TSPEAR: variants seen among roughly 807,000 people sequenced by gnomAD.
TSPEAR encodes thrombospondin type laminin G domain and EAR repeats, also known as thrombospondin-type laminin G domain and EAR repeat-containing protein.
Under a neutral mutation model 71.6 loss-of-function variants are expected in TSPEAR, and 69 were observed. The ratio of observed to expected loss-of-function variants is 0.96; its 90% confidence interval spans 0.79 to 1.18. The LOEUF (loss-of-function observed/expected upper bound fraction) is 1.18. Ranked by LOEUF, TSPEAR falls within the 50% of genes most tolerant of loss-of-function variation. The pLI, the probability that TSPEAR is intolerant of heterozygous loss-of-function variation, is 0.00. For missense variants in TSPEAR, 971 were observed against 894.9 expected (o/e 1.09, Z -1.09); for synonymous variants, 402 against 387.2 (o/e 1.04, Z -0.45).
intron 2 of TSPEAR, among the ~76,000 whole-genome samples, chr21:44,551,749 G>A (rs1459050639): frequency 2.6e-5 from 4 of 152,150 alleles, no homozygotes; most frequent in Non-Finnish European, 5.9e-5. Flanking sequence ...CCTGTCCCCC[G>A]GGAACACCAG....
At chr21:44,549,580 G>A (rs1033529070) in intron 2 of TSPEAR, among the ~76,000 whole-genome samples, 2 of 152,194 alleles carry the variant, frequency 1.3e-5, no homozygotes, top group African/African-American at 4.8e-5. Flanking sequence ...AAAGACTCAG[G>A]GCCTCTTGCG....
intron 2 of TSPEAR, chr21:44,558,758 TGA>T: frequency 1.3e-6 from 2 of 1,567,014 alleles, no homozygotes; most frequent in South Asian, 1.2e-5. Context: ...CGTGAGTGAG[TGA>T]GTGTGGGAGT....
At chr21:44,653,343 G>A (rs1033868652) in intron 1 of TSPEAR, among the ~76,000 whole-genome samples, 22 of 152,032 alleles carry the variant, frequency 1.4e-4, no homozygotes, top group Non-Finnish European at 1.0e-4. Context: ...CTGACCTCCC[G>A]CCACCTGCAT....
rs781869304 is a variant in TSPEAR at position 44,540,149 on chromosome 21, A to C, written c.304-6226T>G. 5.0e-6 allele frequency: 8 copies of C among 1,612,322 alleles called. No homozygotes were observed. In the South Asian group the frequency reaches 8.8e-5, roughly 18 times the overall value. ...GCAGACGGACATGGTGGACGCGGCC[A>C]TGCTGGGGTGGGGAGGAGGTGAGCT... On this transcript the variant is annotated intron_variant, in intron 2 of 11. Coordinates refer to ENST00000323084, the MANE Select transcript of TSPEAR (RefSeq NM_144991.3).
At position 44,506,521 on chromosome 21, in the gene TSPEAR, G is replaced by A. The variant is rs192431886; in HGVS notation, c.1755-1640C>T. Among the ~76,000 whole-genome samples, 1 of 152,342 alleles carries A rather than the reference G, an allele frequency of 6.6e-6. No homozygotes were observed. The highest frequency in any genetic ancestry group is 1.9e-4 in the East Asian group (1 of 5,172). On this transcript the variant is annotated intron_variant, in intron 10 of 11. Transcript: ENST00000323084. This position sits in a 1 kb window ranked among gnomAD's most constrained non-coding sequence, Gnocchi z 4.2. ...CCTTGGGAGAGGGAGGGATCACAGA[G>A]GTGTCCAGTGACAGGCAGGGCGGGC...
intron 2 of TSPEAR, among the ~76,000 whole-genome samples, chr21:44,562,144 A>G (rs1418320026): frequency 6.6e-6 from 1 of 152,234 alleles, no homozygotes; most frequent in African/African-American, 2.4e-5. Flanking sequence ...CTCAGCATGC[A>G]AAATCAATGT....
In TSPEAR at chr21:44,497,897, T is replaced by A. The variant is rs1450850760; in HGVS notation, c.*1886A>T. The A allele has an allele frequency of 6.6e-6, 1 of 152,102 alleles. No individual in the cohort carries two copies. Among genetic ancestry groups the A allele is most frequent in the African/African-American group, 2.4e-5 (1 of 41,386 alleles). The allele number at this position is 152,102 out of a possible 1,614,324, so 9.4% of individuals were successfully genotyped here. On this transcript the variant is annotated 3_prime_UTR_variant, in exon 12 of 12. Coordinates refer to ENST00000323084, the MANE Select transcript of TSPEAR (RefSeq NM_144991.3). The stretch of plus-strand genomic sequence containing the variant: ...AAAAAGTACCCGACCCAGGCCTCGA[T>A]CAATGGAGAAGTTTATTTTGCCAAG...
intron 1 of TSPEAR, chr21:44,658,115 G>C: frequency 6.2e-7 from 1 of 1,613,504 alleles, no homozygotes; most frequent in South Asian, 1.1e-5. Context: ...CATTGTGTGC[G>C]TGGCTCCCTC....
chr21:44,612,342 G>A lies in TSPEAR; in HGVS notation c.83-44337C>T, dbSNP rs1981745120. The A allele has an allele frequency of 1.2e-6, 2 of 1,613,812 alleles. No individual in the cohort carries two copies. The highest frequency in any genetic ancestry group is 1.7e-5 in the Admixed American group (1 of 60,014). On this transcript the variant is annotated intron_variant, in intron 1 of 11. Coordinates refer to ENST00000323084, the MANE Select transcript of TSPEAR (RefSeq NM_144991.3). This position sits in a 1 kb window ranked among gnomAD's most constrained non-coding sequence, Gnocchi z 4.1. The stretch of plus-strand genomic sequence containing the variant: ...GCCCTGGTCTGTGCCCCAGTGAGCT[G>A]TGAGCCCAGCCCCTGCCAATCAGGC...
rs782692063 is a variant in TSPEAR at position 44,612,836 on chromosome 21, C to G, written c.83-44831G>C. The G allele has an allele frequency of 1.6e-5, 26 of 1,612,712 alleles. No homozygotes were observed. The Admixed American group carries it at 2.2e-4, about 13-fold the overall frequency. On this transcript the variant is annotated intron_variant, in intron 1 of 11. Transcript: ENST00000323084. The surrounding 1 kb of genome is among the most constrained non-coding windows in gnomAD (Gnocchi z 4.1). ...CAGCTGCTGCCACCCGGCCTCCTGC[C>G]TGTCCTTCCTCTGCCGCCCCGCGTG...
chr21:44,558,337 G>A (rs1347456595), intron 2 of TSPEAR: 3 of 1,613,540 alleles, frequency 1.9e-6, no homozygotes, highest in Non-Finnish European at 2.5e-6. Context: ...GAGCAGACGG[G>A]CACACAGCAG....
Position 44,697,578 on chromosome 21 carries a change from G to A in TSPEAR, c.82+13855C>T, listed in dbSNP as rs782766412. On this transcript the variant is annotated intron_variant, in intron 1 of 11. Transcript: ENST00000323084. ...GTGTGCTGTATGCCCGTCTGCTGTG[G>A]GCCTTCTTCTTCATGCTGCCAGCAG... 28 of 1,613,340 alleles carry A rather than the reference G, an allele frequency of 1.7e-5. 2 individuals are homozygous for A. The South Asian group carries it at 3.1e-4, about 18-fold the overall frequency.
At chr21:44,643,946 A>G (rs1984161414) in intron 1 of TSPEAR, among the ~76,000 whole-genome samples, 1 of 152,250 alleles carries the variant, frequency 6.6e-6, no homozygotes, top group South Asian at 2.1e-4. Context: ...AGCCACGACG[A>G]AAGGGAGTCA....
chr21:44,684,507 C>T (rs1283910089), intron 1 of TSPEAR, among the ~76,000 whole-genome samples: 5 of 152,206 alleles, frequency 3.3e-5, no homozygotes, highest in Non-Finnish European at 5.9e-5. Flanking sequence ...ACACTTCAGC[C>T]TGGGTGACCA....
intron 1 of TSPEAR, among the ~76,000 whole-genome samples, chr21:44,620,026 TA>T (rs1221436562): frequency 3.3e-5 from 5 of 152,028 alleles, no homozygotes; most frequent in Admixed American, 3.3e-4. Flanking sequence ...GGGATTCACA[TA>T]AAAACACAGT....
chr21:44,649,300 C>G (rs587744706), intron 1 of TSPEAR, among the ~76,000 whole-genome samples: 1 of 152,182 alleles, frequency 6.6e-6, no homozygotes, highest in Non-Finnish European at 1.5e-5. Flanking sequence ...GGATGAGCAG[C>G]GGTCTGTGGA....
rs587646715 is a variant in TSPEAR, at chr21:44,498,784, C to T, written c.*999G>A. The T allele has an allele frequency of 4.8e-4, 73 of 152,572 alleles. No individual in the cohort carries two copies. The highest frequency in any genetic ancestry group is 1.6e-3 in the African/African-American group (66 of 41,572). 9.5% of individuals were successfully genotyped at this position (152,572 alleles called of 1,614,324 possible). ...AGGTGTGGTCTGGGCTGCGTGGCCC[C>T]GGAGCCTGCTGTCTGAGCCTCTTCT... On this transcript the variant is annotated 3_prime_UTR_variant, in exon 12 of 12. Coordinates refer to ENST00000323084, the MANE Select transcript of TSPEAR (RefSeq NM_144991.3).
At chr21:44,599,141 T>TCA (rs1555928031) in intron 1 of TSPEAR, among the ~76,000 whole-genome samples, 1 of 129,008 alleles carries the variant, frequency 7.8e-6, no homozygotes, top group African/African-American at 3.6e-5. Context: ...ATTTTCTCTC[T>TCA]CTCTCTCTCT....
intron 1 of TSPEAR, among the ~76,000 whole-genome samples, chr21:44,693,256 T>C (rs1300318500): frequency 6.6e-6 from 1 of 152,104 alleles, no homozygotes; most frequent in African/African-American, 2.4e-5. Context: ...CATCAAAATC[T>C]TAGGAGAAAA....
Sources: gnomAD v4.1 joint callset for allele counts (sites outside exome capture counted in the v4.1 genomes callset) on GRCh38, gnomAD v4.1.1 for gene constraint, Gnocchi (gnomAD v3.1) non-coding constraint, MANE v1.5 for transcripts, NCBI Gene and HGNC (gene_info 2026-07-23, HGNC 2026-07-21) for gene names.